Variants in ROBO1 observed in about 807,000 individuals in gnomAD.
ROBO1 encodes roundabout homolog 1.
In ROBO1, 149 loss-of-function variants were observed where a neutral mutation model predicts 195.9. The observed-to-expected ratio is 0.76, with a 90% CI of 0.67 to 0.87. ROBO1 has a LOEUF of 0.87. Ranked by LOEUF, ROBO1 falls within the 40% of genes least tolerant of loss-of-function variation. ROBO1 has a pLI of 0.00. For synonymous variants in ROBO1, 816 were observed against 733.2 expected (o/e 1.11, Z -1.82); for missense variants, 1,933 against 2,068.3 (o/e 0.93, Z 1.27).
intron 1 of ROBO1, among the ~76,000 whole-genome samples, chr3:79,613,569 G>A (rs74750469): frequency 0.022 from 3,407 of 152,106 alleles, 64 homozygotes; most frequent in Non-Finnish European, 0.035. Flanking sequence ...ATTGCATGAA[G>A]TGTATATATC....
At chr3:79,716,040 T>G (rs1702468309) in intron 1 of ROBO1, among the ~76,000 whole-genome samples, 3 of 152,100 alleles carry the variant, frequency 2.0e-5, no homozygotes, top group African/African-American at 7.2e-5. Flanking sequence ...GAAGATGTTT[T>G]TAGCCAAATT....
intron 2 of ROBO1, among the ~76,000 whole-genome samples, chr3:79,307,142 A>G (rs2033259302): frequency 6.6e-6 from 1 of 152,070 alleles, no homozygotes; most frequent in Non-Finnish European, 1.5e-5. Flanking sequence ...TCCTCAAGAC[A>G]TTTCCTGCTG....
At chr3:78,660,999 G>A in intron 16 of ROBO1, 31 bp downstream of exon 16, 1 of 1,439,478 alleles carries the variant, frequency 6.9e-7, no homozygotes, top group Non-Finnish European at 9.7e-7. Context: ...ATACTGCAAT[G>A]CATGGAAATC....
In ROBO1 at chr3:79,480,937, G is replaced by A. The variant is rs976891285; in HGVS notation, c.88+108887C>T. Among the ~76,000 whole-genome samples, 15 of 152,142 alleles carry A rather than the reference G, an allele frequency of 9.9e-5. No individual in the cohort carries two copies. In the East Asian group the frequency reaches 2.9e-3, roughly 29 times the overall value. The stretch of plus-strand genomic sequence containing the variant: ...AGCATAATATAGCAATTTCTTTCCA[G>A]CACAGAGAAGACATGTGAGATCAAT... On this transcript the variant is annotated intron_variant, in intron 2 of 30. Transcript: ENST00000464233.
intron 4 of ROBO1, among the ~76,000 whole-genome samples, chr3:78,906,742 T>C (rs1296717891): frequency 3.3e-5 from 5 of 152,096 alleles, no homozygotes; most frequent in Non-Finnish European, 5.9e-5. Flanking sequence ...TTTAGCCTGT[T>C]TGAAATTAAA....
intron 3 of ROBO1, among the ~76,000 whole-genome samples, chr3:78,987,129 C>CT (rs5850408): frequency 8.0e-6 from 1 of 125,208 alleles, no homozygotes. Context: ...AAAAAAACTG[C>CT]TTTTTTTTTT....
chr3:79,467,482 A>C (rs975218909), intron 2 of ROBO1, among the ~76,000 whole-genome samples: 1 of 151,460 alleles, frequency 6.6e-6, no homozygotes, highest in Non-Finnish European at 1.5e-5. Flanking sequence ...CAGAAGAGCA[A>C]AGGAACAGAA....
intron 2 of ROBO1, among the ~76,000 whole-genome samples, chr3:79,560,482 T>C (rs911449943): frequency 1.3e-5 from 2 of 148,232 alleles, no homozygotes; most frequent in African/African-American, 5.0e-5. Flanking sequence ...TGTATACATA[T>C]GTTAGTTACA....
At chr3:78,810,364 G>C (rs1405072508) in intron 4 of ROBO1, among the ~76,000 whole-genome samples, 1 of 152,044 alleles carries the variant, frequency 6.6e-6, no homozygotes, top group Non-Finnish European at 1.5e-5. Context: ...CTTTGGAATA[G>C]ATACTGCACC....
At chr3:78,885,208 T>A (rs779401415) in intron 4 of ROBO1, among the ~76,000 whole-genome samples, 1 of 151,740 alleles carries the variant, frequency 6.6e-6, no homozygotes, top group African/African-American at 2.4e-5. Flanking sequence ...AACTAAATGA[T>A]GAGAATACAT....
rs1044933981 is a variant in ROBO1 at position 78,846,194 on chromosome 3, C to A, written c.499+92407G>T. On this transcript the variant is annotated intron_variant, in intron 4 of 30. Transcript: ENST00000464233. ...GCAACATGGAGTTTTAGTTAAGTCACCACATAGTCAGTACAAGTGAAGTTC... is the reference window on the plus strand; with the variant it reads ...GCAACATGGAGTTTTAGTTAAGTCAACACATAGTCAGTACAAGTGAAGTTC... 3.3e-5 allele frequency among the ~76,000 whole-genome samples: 5 copies of A among 152,160 alleles called. No individual in the cohort carries two copies. In the East Asian group the frequency reaches 9.7e-4, roughly 29 times the overall value.
chr3:78,709,201 A>G (rs2081622545), intron 8 of ROBO1, among the ~76,000 whole-genome samples: 1 of 152,318 alleles, frequency 6.6e-6, no homozygotes, highest in African/African-American at 2.4e-5. Flanking sequence ...AGTTAAGCAG[A>G]AACACTTTTC....
intron 2 of ROBO1, among the ~76,000 whole-genome samples, chr3:79,444,739 T>A (rs1019427878): frequency 6.6e-6 from 1 of 152,072 alleles, no homozygotes; most frequent in South Asian, 2.1e-4. Context: ...GATGGACACA[T>A]AAAATGTAGT....
intron 3 of ROBO1, among the ~76,000 whole-genome samples, chr3:79,036,841 G>A (rs1431144698): frequency 1.3e-5 from 2 of 152,082 alleles, no homozygotes; most frequent in African/African-American, 4.8e-5. Context: ...GAACACACAA[G>A]GGGTGAAAAC....
intron 3 of ROBO1, among the ~76,000 whole-genome samples, chr3:79,096,203 A>G (rs987552636): frequency 2.0e-5 from 3 of 151,902 alleles, no homozygotes; most frequent in African/African-American, 7.2e-5. Context: ...AGAAGATCCT[A>G]TTTTGCCACA....
rs377272840 is a variant in ROBO1 at position 79,048,840 on chromosome 3, G to A, written c.172+76616C>T. Among the ~76,000 whole-genome samples, 18 of 152,154 alleles carry A rather than the reference G, an allele frequency of 1.2e-4. No individual in the cohort carries two copies. The East Asian group carries it at 1.7e-3, about 15-fold the overall frequency. ...AGAAGGAAAACTAACAAACAGATACGAATACCATAAACATCAACAAAACAG... is the reference window on the plus strand; with the variant it reads ...AGAAGGAAAACTAACAAACAGATACAAATACCATAAACATCAACAAAACAG... On this transcript the variant is annotated intron_variant, in intron 3 of 30. Coordinates refer to ENST00000464233, the MANE Select transcript of ROBO1 (RefSeq NM_002941.4).
intron 4 of ROBO1, among the ~76,000 whole-genome samples, chr3:78,787,363 T>C (rs1395389548): frequency 1.3e-5 from 2 of 152,242 alleles, no homozygotes; most frequent in African/African-American, 4.8e-5. Flanking sequence ...AGCAGTATTT[T>C]ACATAGTGAA....
chr3:79,376,243 C>T (rs540309464), intron 2 of ROBO1, among the ~76,000 whole-genome samples: 2 of 152,162 alleles, frequency 1.3e-5, no homozygotes, highest in Non-Finnish European at 2.9e-5. Flanking sequence ...TGACACTACT[C>T]ACATCTAGTT....
chr3:79,204,482 T>C (rs1296580996), intron 2 of ROBO1, among the ~76,000 whole-genome samples: 1 of 152,108 alleles, frequency 6.6e-6, no homozygotes, highest in Non-Finnish European at 1.5e-5. Context: ...TAACCCCTTG[T>C]TAGTACAAAT....
Sources: allele counts gnomAD v4.1 joint callset (sites outside exome capture counted in the v4.1 genomes callset), GRCh38; gene constraint gnomAD v4.1.1; transcripts MANE v1.5; gene names NCBI Gene and HGNC (gene_info 2026-07-23, HGNC 2026-07-21).